LARGE1: variants seen among roughly 807,000 people sequenced by gnomAD.
LARGE1 encodes xylosyl- and glucuronyltransferase LARGE1.
Under a neutral mutation model 87.6 loss-of-function variants are expected in LARGE1, and 43 were observed. The ratio of observed to expected loss-of-function variants is 0.49; its 90% confidence interval spans 0.38 to 0.63. The LOEUF is 0.63. LARGE1 is among the 30% of genes least tolerant of loss of function. The pLI is 0.00. For missense variants in LARGE1, 802 were observed against 1,000.2 expected, an observed-to-expected ratio of 0.80 and a Z score of 2.67; for synonymous variants, 434 against 394.6, an observed-to-expected ratio of 1.10 and a Z score of -1.18.
chr22:33,393,640 T>C (rs531145612), intron 7 of LARGE1, among the ~76,000 whole-genome samples: 2 of 152,358 alleles, frequency 1.3e-5, no homozygotes, highest in Admixed American at 1.3e-4. Flanking sequence ...AGCTTGACTT[T>C]GGCCTTTGCC....
intron 12 of LARGE1, among the ~76,000 whole-genome samples, chr22:33,303,765 G>A (rs1221770853): frequency 6.7e-6 from 1 of 149,984 alleles, no homozygotes; most frequent in Non-Finnish European, 1.5e-5. Context: ...GGGATTACGG[G>A]CACATGCCAC....
At chr22:33,865,665 C>T (rs747000299) in intron 1 of LARGE1, among the ~76,000 whole-genome samples, 16 of 151,956 alleles carry the variant, frequency 1.1e-4, no homozygotes, top group South Asian at 6.3e-4. Context: ...CAGAATGCAT[C>T]CTTGGGGAGA....
At chr22:33,228,316 T>C (rs1329222709) in intron 11 of LARGE1, among the ~76,000 whole-genome samples, 1 of 152,272 alleles carries the variant, frequency 6.6e-6, no homozygotes, top group African/African-American at 2.4e-5. Context: ...TAAATCATTA[T>C]AATGAAAACG....
At chr22:33,155,207 A>T in the LARGE1 span, among the ~76,000 whole-genome samples, 1 of 152,216 alleles carries the variant, frequency 6.6e-6, no homozygotes, top group Non-Finnish European at 1.5e-5. Flanking sequence ...AAAAATGTGG[A>T]CTTTGGAACA....
intron 1 of LARGE1, among the ~76,000 whole-genome samples, chr22:33,849,206 G>A (rs987973072): frequency 1.3e-5 from 2 of 152,146 alleles, no homozygotes; most frequent in South Asian, 2.1e-4. Flanking sequence ...AGGATAAGAC[G>A]CTGCCTCAGA....
chr22:33,299,986 T>C (rs1933921121), intron 12 of LARGE1, among the ~76,000 whole-genome samples: 1 of 152,254 alleles, frequency 6.6e-6, no homozygotes, highest in Admixed American at 6.5e-5. Flanking sequence ...TTGGCTGTAA[T>C]ATTAGCTGGT....
At chr22:33,910,524 C>T (rs375928851) in intron 1 of LARGE1, among the ~76,000 whole-genome samples, 1 of 152,162 alleles carries the variant, frequency 6.6e-6, no homozygotes, top group Admixed American at 6.5e-5. Flanking sequence ...GTCCTCTGGG[C>T]CCTTTGACTT....
At chr22:33,238,110 C>A (rs1314346699) in intron 11 of LARGE1, among the ~76,000 whole-genome samples, 1 of 151,970 alleles carries the variant, frequency 6.6e-6, no homozygotes, top group Non-Finnish European at 1.5e-5. Flanking sequence ...AAATTGGAAA[C>A]AACAACCAAA....
rs546092611 is a variant in LARGE1 at position 33,684,440 on chromosome 22, T to G, written c.107-33772A>C. Among the ~76,000 whole-genome samples the G allele has an allele frequency of 1.8e-4, 27 of 151,430 alleles. 1 individual carries two copies. The South Asian group carries it at 5.7e-3, about 32-fold the overall frequency. ...ATCTGCCCCCGAGAAACAAGACGGA[T>G]AGAAGAGAAAATCCCATAGAAGTCA... is the stretch of plus-strand genomic sequence containing the variant. On this transcript the variant is annotated intron_variant, in intron 2 of 14. Coordinates refer to ENST00000397394, the MANE Select transcript of LARGE1 (RefSeq NM_133642.5).
chr22:33,362,473 G>C (rs1457019938), intron 9 of LARGE1, among the ~76,000 whole-genome samples: 1 of 149,546 alleles, frequency 6.7e-6, no homozygotes, highest in Admixed American at 6.6e-5. Flanking sequence ...TCTCCCCTTA[G>C]AAGTTCTCTT....
chr22:33,530,982 C>A (rs2072170104), intron 6 of LARGE1, among the ~76,000 whole-genome samples: 1 of 152,300 alleles, frequency 6.6e-6, no homozygotes, highest in Middle Eastern at 3.4e-3. Context: ...GGACAGGGCA[C>A]TGATATCTGG....
At chr22:33,600,150 G>C (rs2079076861) in intron 5 of LARGE1, among the ~76,000 whole-genome samples, 1 of 152,166 alleles carries the variant, frequency 6.6e-6, no homozygotes, top group Non-Finnish European at 1.5e-5. Flanking sequence ...CCGTGATAAA[G>C]AAACTCTGCC....
At chr22:33,502,812 C>G (rs553798055) in intron 6 of LARGE1, among the ~76,000 whole-genome samples, 1 of 152,268 alleles carries the variant, frequency 6.6e-6, no homozygotes, top group East Asian at 1.9e-4. Flanking sequence ...CGTGATCTGC[C>G]CACCTCAGCC....
chr22:33,356,439 GGTGTT>G (rs1211512413), intron 9 of LARGE1, among the ~76,000 whole-genome samples: 2 of 152,176 alleles, frequency 1.3e-5, no homozygotes, highest in African/African-American at 2.4e-5. Flanking sequence ...CCTTAGGCAA[GGTGTT>G]TAACCTTTGT....
At chr22:33,554,948 C>T (rs1004968658) in intron 6 of LARGE1, among the ~76,000 whole-genome samples, 1 of 152,176 alleles carries the variant, frequency 6.6e-6, no homozygotes, top group Non-Finnish European at 1.5e-5. Context: ...GACAAAGATC[C>T]CTGCCTTCCT....
intron 2 of LARGE1, among the ~76,000 whole-genome samples, chr22:33,756,869 A>C (rs2084532503): frequency 6.6e-6 from 1 of 152,198 alleles, no homozygotes; most frequent in African/African-American, 2.4e-5. Context: ...TGACGCAGCT[A>C]CAAGGCCGAG....
intron 1 of LARGE1, among the ~76,000 whole-genome samples, chr22:33,803,776 G>C (rs1462957752): frequency 6.6e-6 from 1 of 152,200 alleles, no homozygotes; most frequent in Non-Finnish European, 1.5e-5. Flanking sequence ...GCTCATTAGA[G>C]GTTCCGTGCC....
intron 2 of LARGE1, among the ~76,000 whole-genome samples, chr22:33,709,827 A>G (rs766025887): frequency 6.6e-6 from 1 of 151,748 alleles, no homozygotes; most frequent in African/African-American, 2.4e-5. Context: ...GGGTTTTGCC[A>G]TGTTAGCCAG....
intron 10 of LARGE1, among the ~76,000 whole-genome samples, chr22:33,318,071 C>A (rs889586134): frequency 6.6e-6 from 1 of 151,454 alleles, no homozygotes; most frequent in Non-Finnish European, 1.5e-5. Flanking sequence ...CCCGTCTCTA[C>A]TAAAAACACA....
Sources: allele counts gnomAD v4.1 joint callset (sites outside exome capture counted in the v4.1 genomes callset), GRCh38; gene constraint gnomAD v4.1.1; transcripts MANE v1.5; gene names NCBI Gene and HGNC (gene_info 2026-07-23, HGNC 2026-07-21).